Variants in PRKN observed in about 807,000 individuals in gnomAD.
PRKN encodes the protein E3 ubiquitin-protein ligase parkin.
PRKN carries 56 observed loss-of-function variants against 59.5 expected under a neutral mutation model. The observed-to-expected ratio is 0.94, with a 90% confidence interval of 0.76 to 1.18. The LOEUF is 1.18. PRKN is among the 50% of genes most tolerant of loss of function. The pLI is 0.00. For missense variants in PRKN, 657 were observed against 596.4 expected, an observed-to-expected ratio of 1.10 and a Z score of -1.06; for synonymous variants, 250 against 222.1, an observed-to-expected ratio of 1.13 and a Z score of -1.12.
chr6:162,124,647 A>G (rs1055699934), intron 4 of PRKN, among the ~76,000 whole-genome samples: 3 of 152,174 alleles, frequency 2.0e-5, no homozygotes, highest in Non-Finnish European at 1.5e-5. Flanking sequence ...GGGAGCATAA[A>G]GATGAACATT....
At chr6:162,274,700 T>C (rs943737487) in intron 2 of PRKN, among the ~76,000 whole-genome samples, 3 of 152,168 alleles carry the variant, frequency 2.0e-5, no homozygotes, top group Non-Finnish European at 4.4e-5. Context: ...GGTTAATCCA[T>C]TGTAGAATTT....
chr6:161,582,381 T>C lies in PRKN; in HGVS notation c.872-12965A>G, dbSNP rs964164968. Among the ~76,000 whole-genome samples, 8 of 151,660 alleles carry C rather than the reference T, an allele frequency of 5.3e-5. No individual in the cohort carries two copies. The highest frequency in any genetic ancestry group is 8.8e-5 in the Non-Finnish European group (6 of 67,988). On this transcript the variant is annotated intron_variant, in intron 7 of 11. Coordinates refer to ENST00000366898, the MANE Select transcript of PRKN (RefSeq NM_004562.3). The surrounding 1 kb of genome is among the most constrained non-coding windows in gnomAD (Gnocchi z 4.4). The stretch of plus-strand genomic sequence containing the variant: ...ATTACAATGTTGGGCGCAGCAGATA[T>C]AATCTGAACTAGGAAAGACTGCATC...
intron 2 of PRKN, among the ~76,000 whole-genome samples, chr6:162,325,413 C>A (rs1273101588): frequency 2.0e-5 from 3 of 152,120 alleles, no homozygotes; most frequent in African/African-American, 7.2e-5. Context: ...ACGGAAACAG[C>A]CTCAATTTAC....
intron 4 of PRKN, among the ~76,000 whole-genome samples, chr6:162,101,162 C>G (rs1779954488): frequency 6.6e-6 from 1 of 151,980 alleles, no homozygotes; most frequent in Non-Finnish European, 1.5e-5. Flanking sequence ...CATATCAATA[C>G]CACGCAGCTT....
intron 1 of PRKN, among the ~76,000 whole-genome samples, chr6:162,458,825 T>C (rs1791029279): frequency 6.6e-6 from 1 of 152,110 alleles, no homozygotes; most frequent in South Asian, 2.1e-4. Context: ...AATGTTTTTG[T>C]TTTGTTTTTA....
intron 7 of PRKN, among the ~76,000 whole-genome samples, chr6:161,681,948 C>G (rs1785381007): frequency 6.6e-6 from 1 of 152,240 alleles, no homozygotes; most frequent in Non-Finnish European, 1.5e-5. Flanking sequence ...GGGACCGCCT[C>G]CTGGGTTCTG....
At chr6:161,989,712 T>C (rs1781571342) in intron 5 of PRKN, among the ~76,000 whole-genome samples, 1 of 152,120 alleles carries the variant, frequency 6.6e-6, no homozygotes, top group Admixed American at 6.5e-5. Flanking sequence ...ACCTGGGGAT[T>C]GATCTGCCCC....
At chr6:161,510,702 G>A (rs576937790) in intron 9 of PRKN, among the ~76,000 whole-genome samples, 2 of 152,314 alleles carry the variant, frequency 1.3e-5, no homozygotes, top group Admixed American at 6.5e-5. Flanking sequence ...TACTCCAGCA[G>A]AAGTTATGTT....
rs1343313149 is a variant in PRKN at position 161,391,543 on chromosome 6, GCAAT to G, written c.1084-4670_1084-4667del. ...ATTCCCTTATAGATTTGGTTAGAAG[GCAAT>G]CAAACACATGGACTGTATTATAGTC... is the stretch of plus-strand genomic sequence containing the variant. On this transcript the variant is annotated intron_variant, in intron 9 of 11. Coordinates refer to ENST00000366898, the MANE Select transcript of PRKN (RefSeq NM_004562.3). This position sits in a 1 kb window ranked among gnomAD's most constrained non-coding sequence, Gnocchi z 4.9. Among the ~76,000 whole-genome samples the G allele has an allele frequency of 6.6e-6, 1 of 151,842 alleles. No homozygotes were observed. Among genetic ancestry groups the G allele is most frequent in the Non-Finnish European group, 1.5e-5 (1 of 67,998 alleles).
At chr6:161,961,517 G>C (rs1039071604) in intron 6 of PRKN, among the ~76,000 whole-genome samples, 2 of 152,166 alleles carry the variant, frequency 1.3e-5, no homozygotes, top group African/African-American at 4.8e-5. Context: ...GGAAAACTTA[G>C]CCTAAAGAAA....
intron 2 of PRKN, among the ~76,000 whole-genome samples, chr6:162,346,550 G>C (rs1402822319): frequency 6.6e-6 from 1 of 151,950 alleles, no homozygotes; most frequent in Non-Finnish European, 1.5e-5. Context: ...GAGCCCAGGA[G>C]GCCGAGGCTG....
rs556324578 is a variant in PRKN, at chr6:161,847,164, C to T, written c.735-61256G>A. ...CTCTACTAAAAATACAAAAATTAGCCGGGTGTGGTGGCGGGTGCCTGTAGT... is the reference window on the plus strand; with the variant it reads ...CTCTACTAAAAATACAAAAATTAGCTGGGTGTGGTGGCGGGTGCCTGTAGT... On this transcript the variant is annotated intron_variant, in intron 6 of 11. Coordinates refer to ENST00000366898, the MANE Select transcript of PRKN (RefSeq NM_004562.3). Among the ~76,000 whole-genome samples, 11 of 152,088 alleles carry T rather than the reference C, an allele frequency of 7.2e-5. 1 individual carries two copies. In the South Asian group the frequency reaches 2.1e-3, roughly 29 times the overall value.
chr6:162,694,236 CAAAAAAA>C (rs149337714), intron 1 of PRKN, among the ~76,000 whole-genome samples: 31 of 93,512 alleles, frequency 3.3e-4, no homozygotes, highest in Non-Finnish European at 5.2e-4. Context: ...AACAGTGAGA[CAAAAAAA>C]AAAAAAAAAA....
At chr6:162,140,338 C>G (rs949144289) in intron 4 of PRKN, among the ~76,000 whole-genome samples, 1 of 152,136 alleles carries the variant, frequency 6.6e-6, no homozygotes, top group African/African-American at 2.4e-5. Context: ...TGCAAACACA[C>G]GACTCTTTCA....
chr6:162,543,368 TCTC>T (rs1259806746), intron 1 of PRKN, among the ~76,000 whole-genome samples: 1 of 151,802 alleles, frequency 6.6e-6, no homozygotes, highest in Non-Finnish European at 1.5e-5. Flanking sequence ...CCCGCCCACT[TCTC>T]CTCCCAGTTC....
At chr6:161,922,121 T>C (rs1451131333) in intron 6 of PRKN, among the ~76,000 whole-genome samples, 1 of 152,224 alleles carries the variant, frequency 6.6e-6, no homozygotes, top group African/African-American at 2.4e-5. Context: ...TATTACCATT[T>C]TGTTGCCACT....
At chr6:162,594,709 T>C (rs1480454503) in intron 1 of PRKN, among the ~76,000 whole-genome samples, 1 of 152,206 alleles carries the variant, frequency 6.6e-6, no homozygotes, top group East Asian at 1.9e-4. Context: ...GCTCAAATTG[T>C]TCCTATGATG....
chr6:162,698,027 G>A (rs1355620744), intron 1 of PRKN, among the ~76,000 whole-genome samples: 1 of 152,152 alleles, frequency 6.6e-6, no homozygotes, highest in Non-Finnish European at 1.5e-5. Flanking sequence ...GCAATTAGAG[G>A]AGACTCCTTG....
chr6:161,367,276 C>T (rs939995688), intron 10 of PRKN, among the ~76,000 whole-genome samples: 22 of 151,850 alleles, frequency 1.4e-4, no homozygotes, highest in Non-Finnish European at 2.8e-4. Context: ...CCACCGCGCC[C>T]GGCCGTGTCT....
Sources: allele counts gnomAD v4.1 joint callset (sites outside exome capture counted in the v4.1 genomes callset), GRCh38; gene constraint gnomAD v4.1.1; non-coding constraint Gnocchi (gnomAD v3.1); transcripts MANE v1.5; gene names NCBI Gene and HGNC (gene_info 2026-07-23, HGNC 2026-07-21).